Variants in CPA6 observed in about 807,000 individuals in gnomAD.
CPA6 encodes the protein carboxypeptidase A6, also known as carboxypeptidase B.
CPA6 carries 58 observed loss-of-function variants against 63.3 expected under a neutral mutation model. The ratio of observed to expected loss-of-function variants is 0.92; its 90% CI spans 0.74 to 1.14. The LOEUF (loss-of-function observed/expected upper bound fraction) is 1.14. Ranked by LOEUF, CPA6 falls within the 50% of genes most tolerant of loss-of-function variation. The pLI is 0.00. For synonymous variants in CPA6, 185 were observed against 179.0 expected, an observed-to-expected ratio of 1.03 and a Z score of -0.27; for missense variants, 565 against 526.6, an observed-to-expected ratio of 1.07 and a Z score of -0.71.
At chr8:67,615,918 T>C (rs1001829746) in intron 2 of CPA6, among the ~76,000 whole-genome samples, 1 of 152,228 alleles carries the variant, frequency 6.6e-6, no homozygotes, top group Non-Finnish European at 1.5e-5. Flanking sequence ...CAGCTTGAGC[T>C]AAGGCGCTTA....
chr8:67,531,289 C>T (rs1046539106), intron 2 of CPA6, among the ~76,000 whole-genome samples: 2 of 151,828 alleles, frequency 1.3e-5, no homozygotes, highest in Non-Finnish European at 2.9e-5. Flanking sequence ...TCAGTAAGCA[C>T]AGTAAATAAA....
At chr8:67,469,113 A>G (rs1324297802) in intron 8 of CPA6, among the ~76,000 whole-genome samples, 1 of 152,190 alleles carries the variant, frequency 6.6e-6, no homozygotes, top group African/African-American at 2.4e-5. Context: ...TATTTCTATT[A>G]TAGTTTCTGT....
Position 67,659,464 on chromosome 8 carries a change from A to G in CPA6, c.117-35213T>C, listed in dbSNP as rs555323101. ...GCTAGAGTAATTTTGGATATAATTT[A>G]TCTTGGAAAAAAATGAGACTAATTA... is the stretch of plus-strand genomic sequence containing the variant. On this transcript the variant is annotated intron_variant, in intron 1 of 10. Coordinates refer to ENST00000297770, the MANE Select transcript of CPA6 (RefSeq NM_020361.5). Among the ~76,000 whole-genome samples the G allele has an allele frequency of 9.8e-5, 15 of 152,352 alleles. No homozygotes were observed. In the South Asian group the frequency reaches 2.1e-3, roughly 21 times the overall value.
At chr8:67,535,973 C>T (rs1377489860) in intron 2 of CPA6, among the ~76,000 whole-genome samples, 7 of 152,126 alleles carry the variant, frequency 4.6e-5, no homozygotes, top group Admixed American at 4.6e-4. Flanking sequence ...ATCCTTTCCC[C>T]ATTGCTTGTT....
At chr8:67,582,257 T>C (rs987953168) in intron 2 of CPA6, among the ~76,000 whole-genome samples, 3 of 152,192 alleles carry the variant, frequency 2.0e-5, no homozygotes, top group Admixed American at 1.3e-4. Flanking sequence ...TTCCAATATA[T>C]ATGGGATGGC....
At chr8:67,547,056 T>TA (rs1812832628) in intron 2 of CPA6, among the ~76,000 whole-genome samples, 2 of 152,126 alleles carry the variant, frequency 1.3e-5, no homozygotes, top group African/African-American at 2.4e-5. Flanking sequence ...TTTTATTTAT[T>TA]TTTTTTGTGA....
intron 8 of CPA6, among the ~76,000 whole-genome samples, chr8:67,478,738 T>C (rs767903820): frequency 1.1e-4 from 16 of 152,200 alleles, no homozygotes; most frequent in Non-Finnish European, 2.2e-4. Flanking sequence ...TGTTGGGGCT[T>C]AGAAATTGAC....
chr8:67,714,947 A>G (rs1440714723), intron 1 of CPA6, among the ~76,000 whole-genome samples: 1 of 152,212 alleles, frequency 6.6e-6, no homozygotes, highest in Non-Finnish European at 1.5e-5. Flanking sequence ...AACTAAAAGA[A>G]ACAAGGAGCT....
At chr8:67,736,733 C>T (rs1363657284) in intron 1 of CPA6, among the ~76,000 whole-genome samples, 1 of 152,136 alleles carries the variant, frequency 6.6e-6, no homozygotes, top group East Asian at 1.9e-4. Context: ...TATTTCATAG[C>T]CTAGAGGTCT....
chr8:67,742,652 C>T (rs950173527), intron 1 of CPA6, among the ~76,000 whole-genome samples: 9 of 152,158 alleles, frequency 5.9e-5, no homozygotes, highest in African/African-American at 2.2e-4. Flanking sequence ...TTCTTGAATC[C>T]TCCCAGCAAC....
intron 2 of CPA6, among the ~76,000 whole-genome samples, chr8:67,576,313 C>T (rs560311067): frequency 1.1e-4 from 16 of 152,086 alleles, no homozygotes; most frequent in East Asian, 1.9e-4. Flanking sequence ...AACTATAATT[C>T]GTCTATATGT....
At chr8:67,694,417 C>A (rs963217058) in intron 1 of CPA6, among the ~76,000 whole-genome samples, 1 of 152,228 alleles carries the variant, frequency 6.6e-6, no homozygotes, top group African/African-American at 2.4e-5. Flanking sequence ...CATGTGCCAC[C>A]AAGTTACCAT....
At chr8:67,594,522 A>C (rs566560015) in intron 2 of CPA6, among the ~76,000 whole-genome samples, 1 of 152,294 alleles carries the variant, frequency 6.6e-6, no homozygotes, top group Non-Finnish European at 1.5e-5. Context: ...CAGGTACAAC[A>C]ATCAGGACGC....
chr8:67,475,785 CTTTCTTTCTTTCTTTCTTT>C (rs372856722), intron 8 of CPA6, among the ~76,000 whole-genome samples: 6,610 of 78,084 alleles, frequency 0.085, 355 homozygotes, highest in African/African-American at 0.16. Context: ...TTCTTTCTTT[CTTTCTTTCTTTCTTTCTTT>C]CTTTCTTTCT....
intron 1 of CPA6, 128 bp from the exon 2 acceptor site, chr8:67,624,379 A>G: frequency 1.9e-6 from 1 of 532,128 alleles, no homozygotes; most frequent in East Asian, 3.1e-5. Flanking sequence ...TCACTGGCCC[A>G]GTAAGTATTT....
intron 2 of CPA6, among the ~76,000 whole-genome samples, chr8:67,573,416 C>T (rs1813536244): frequency 6.6e-6 from 1 of 152,150 alleles, no homozygotes; most frequent in Admixed American, 6.5e-5. Context: ...TATACAAATT[C>T]AGTAAAGTTG....
At chr8:67,634,009 C>T (rs947626151) in intron 1 of CPA6, among the ~76,000 whole-genome samples, 19 of 146,544 alleles carry the variant, frequency 1.3e-4, no homozygotes, top group Non-Finnish European at 2.6e-4. Context: ...ATGTTGAAGT[C>T]CTAACTCCCT....
intron 1 of CPA6, among the ~76,000 whole-genome samples, chr8:67,656,605 T>A (rs1221307773): frequency 6.6e-6 from 1 of 152,132 alleles, no homozygotes; most frequent in East Asian, 1.9e-4. Context: ...CAATGTAGGG[T>A]TCAAGGCTTG....
At chr8:67,594,778 T>C (rs1194692895) in intron 2 of CPA6, among the ~76,000 whole-genome samples, 1 of 152,154 alleles carries the variant, frequency 6.6e-6, no homozygotes, top group East Asian at 1.9e-4. Flanking sequence ...GTTATACATT[T>C]GTCTAAATTT....
Sources: gnomAD v4.1 joint callset for allele counts (sites outside exome capture counted in the v4.1 genomes callset) on GRCh38, gnomAD v4.1.1 for gene constraint, MANE v1.5 for transcripts, NCBI Gene and HGNC (gene_info 2026-07-23, HGNC 2026-07-21) for gene names.